PBX1: variants seen among roughly 807,000 people sequenced by gnomAD.
PBX1 encodes pre-B-cell leukemia transcription factor 1.
In PBX1, 6 loss-of-function variants were observed where a neutral mutation model predicts 53.4. That is an observed-to-expected ratio of 0.11 (90% CI 0.06 to 0.22). PBX1 has a LOEUF of 0.22. Ranked by LOEUF, PBX1 falls within the 10% of genes least tolerant of loss-of-function variation. PBX1 has a pLI of 1.00. For synonymous variants in PBX1, 204 were observed against 212.3 expected (o/e 0.96, Z 0.34); for missense variants, 251 against 551.4 (o/e 0.46, Z 5.46).
intron 2 of PBX1, among the ~76,000 whole-genome samples, chr1:164,885,511 A>C (rs1439844259): frequency 6.6e-6 from 1 of 152,180 alleles, no homozygotes; most frequent in African/African-American, 2.4e-5. Context: ...CATCCATAGT[A>C]TAGAGTGTTT....
At chr1:164,758,973 A>G (rs1249104365) in intron 2 of PBX1, among the ~76,000 whole-genome samples, 3 of 152,204 alleles carry the variant, frequency 2.0e-5, no homozygotes, top group Non-Finnish European at 4.4e-5. Flanking sequence ...CTCTGCTTAA[A>G]GGAATCAAGA....
At chr1:164,741,922 AT>A (rs374585916) in intron 2 of PBX1, among the ~76,000 whole-genome samples, 2,251 of 150,364 alleles carry the variant, frequency 0.015, 46 homozygotes, top group African/African-American at 0.049. Flanking sequence ...TTTAAGGTAG[AT>A]TTTTTTTTTA....
In PBX1 at chr1:164,712,661, G is replaced by C. The variant is rs1035513854; in HGVS notation, c.266-79833G>C. The stretch of plus-strand genomic sequence containing the variant: ...ATGTTAATCACCATGAGAGGCAGAG[G>C]GTCAGCCCAGCTTCCAGTGCTCCGG... On this transcript the variant is annotated intron_variant, in intron 2 of 8. Coordinates refer to ENST00000420696, the MANE Select transcript of PBX1 (RefSeq NM_002585.4). 2.0e-5 allele frequency among the ~76,000 whole-genome samples: 3 copies of C among 152,168 alleles called. No homozygotes were observed. In the South Asian group the frequency reaches 6.2e-4, roughly 32 times the overall value.
chr1:164,843,388 A>G (rs1418622687), intron 8 of PBX1, among the ~76,000 whole-genome samples: 1 of 152,150 alleles, frequency 6.6e-6, no homozygotes, highest in Non-Finnish European at 1.5e-5. Flanking sequence ...CATATCCTGG[A>G]ATAGGGTGGC....
chr1:164,766,362 C>T (rs987403753), intron 2 of PBX1, among the ~76,000 whole-genome samples: 1 of 152,172 alleles, frequency 6.6e-6, no homozygotes, highest in Non-Finnish European at 1.5e-5. Flanking sequence ...GTTTCCAGAG[C>T]ACTTTATTTT....
chr1:164,795,709 C>T (rs1337157204), intron 3 of PBX1, among the ~76,000 whole-genome samples: 1 of 152,036 alleles, frequency 6.6e-6, no homozygotes, highest in Non-Finnish European at 1.5e-5. Flanking sequence ...AACCTTCTAG[C>T]TAGTGTGTCT....
At position 164,581,805 on chromosome 1, in the gene PBX1, T is replaced by C. The variant is rs181659148; in HGVS notation, c.265+18494T>C. The stretch of plus-strand genomic sequence containing the variant: ...AAATTTTACAAAAGAAAATCATAAA[T>C]CTACTAATTTACCTTTAATCATACT... On this transcript the variant is annotated intron_variant, in intron 2 of 8. Coordinates refer to ENST00000420696, the MANE Select transcript of PBX1 (RefSeq NM_002585.4). 1.1e-3 allele frequency among the ~76,000 whole-genome samples: 165 copies of C among 152,286 alleles called. 1 individual carries two copies. Among genetic ancestry groups the C allele is most frequent in the African/African-American group, 3.8e-3 (156 of 41,558 alleles).
At chr1:164,783,680 C>T (rs368457905) in intron 2 of PBX1, among the ~76,000 whole-genome samples, 5 of 152,182 alleles carry the variant, frequency 3.3e-5, no homozygotes, top group African/African-American at 1.2e-4. Context: ...TAGTAGGAGT[C>T]TTGGGCCTGG....
intron 2 of PBX1, among the ~76,000 whole-genome samples, chr1:164,700,212 A>G (rs1385978215): frequency 6.6e-6 from 1 of 152,132 alleles, no homozygotes; most frequent in East Asian, 1.9e-4. Context: ...CAGGCAGGGA[A>G]GCCAGCGTGT....
chr1:164,637,172 TG>T lies in PBX1; in HGVS notation c.265+73863del, dbSNP rs147259316. ...GATCTCACTGAATTCAGACTATACTTGGAACGATGCTTGGAGAATTTTCTAA... is the reference window on the plus strand; with the variant it reads ...GATCTCACTGAATTCAGACTATACTTGAACGATGCTTGGAGAATTTTCTAA... On this transcript the variant is annotated intron_variant, in intron 2 of 8. Transcript: ENST00000420696. Among the ~76,000 whole-genome samples the T allele has an allele frequency of 5.4e-3, 822 of 152,294 alleles. 7 individuals carry two copies. The highest frequency in any genetic ancestry group is 0.01 in the Middle Eastern group (3 of 294).
At chr1:164,775,447 G>T (rs1356814461) in intron 2 of PBX1, among the ~76,000 whole-genome samples, 1 of 152,138 alleles carries the variant, frequency 6.6e-6, no homozygotes, top group Non-Finnish European at 1.5e-5. Context: ...GATGCCCGCA[G>T]AGACCATGTG....
chr1:164,592,240 TGA>T (rs371751166), intron 2 of PBX1, among the ~76,000 whole-genome samples: 4 of 152,194 alleles, frequency 2.6e-5, no homozygotes, highest in African/African-American at 9.7e-5. Flanking sequence ...GCTCATAGTT[TGA>T]GTGTGAGAGT....
At chr1:164,745,557 A>G (rs750737192) in intron 2 of PBX1, among the ~76,000 whole-genome samples, 6 of 152,218 alleles carry the variant, frequency 3.9e-5, no homozygotes, top group Admixed American at 6.5e-5. Flanking sequence ...GAGGTCTTCT[A>G]ATTGAGCTGC....
chr1:164,777,037 CT>C (rs199669587), intron 2 of PBX1, among the ~76,000 whole-genome samples: 1,599 of 149,926 alleles, frequency 0.011, 31 homozygotes, highest in African/African-American at 0.038. Context: ...GTAATGGAAG[CT>C]TTTTTTCTTC....
intron 2 of PBX1, among the ~76,000 whole-genome samples, chr1:164,761,777 A>G (rs1023387758): frequency 6.6e-6 from 1 of 152,186 alleles, no homozygotes; most frequent in Non-Finnish European, 1.5e-5. Context: ...ATTTTAGCAA[A>G]TTGTAAAGCT....
chr1:164,752,769 G>T (rs1666305671), intron 2 of PBX1, among the ~76,000 whole-genome samples: 2 of 152,200 alleles, frequency 1.3e-5, no homozygotes, highest in South Asian at 4.1e-4. Context: ...TGAATCAGCT[G>T]CAGTGATCCA....
chr1:164,762,850 T>C (rs1269591037), intron 2 of PBX1, among the ~76,000 whole-genome samples: 1 of 152,236 alleles, frequency 6.6e-6, no homozygotes, highest in African/African-American at 2.4e-5. Context: ...AATAATGAAA[T>C]TGGAGTTCTT....
At chr1:164,820,942 C>T (rs866920827) in intron 7 of PBX1, among the ~76,000 whole-genome samples, 11 of 152,246 alleles carry the variant, frequency 7.2e-5, no homozygotes, top group Middle Eastern at 3.4e-3. Context: ...ATTACAAGCC[C>T]GGAACAGACC....
intron 2 of PBX1, among the ~76,000 whole-genome samples, chr1:164,873,111 GTA>G (rs1672421357): frequency 6.6e-6 from 1 of 152,158 alleles, no homozygotes; most frequent in Non-Finnish European, 1.5e-5. Context: ...TACACAACCA[GTA>G]TATGGTCGAG....
Sources: allele counts gnomAD v4.1 joint callset (sites outside exome capture counted in the v4.1 genomes callset), GRCh38; gene constraint gnomAD v4.1.1; transcripts MANE v1.5; gene names NCBI Gene and HGNC (gene_info 2026-07-23, HGNC 2026-07-21).